GNB4: variants seen among roughly 807,000 people sequenced by gnomAD.
The protein encoded by GNB4 is guanine nucleotide-binding protein subunit beta-4.
GNB4 carries 28 observed loss-of-function variants against 45.2 expected under a neutral mutation model. The observed-to-expected ratio is 0.62, with a 90% CI of 0.46 to 0.85. The LOEUF is 0.85. Among genes scored for constraint, GNB4 ranks in the 40% least tolerant of loss-of-function variants. The pLI is 0.00. For synonymous variants in GNB4, 132 were observed against 143.7 expected, an observed-to-expected ratio of 0.92 and a Z score of 0.58; for missense variants, 321 against 425.4, an observed-to-expected ratio of 0.75 and a Z score of 2.16.
the GNB4 span, among the ~76,000 whole-genome samples, chr3:179,485,042 G>A: frequency 1.6e-5 from 2 of 124,986 alleles, no homozygotes; most frequent in South Asian, 2.3e-4. Context: ...ACGGAGTCTC[G>A]CTGTGTTGCC....
chr3:179,423,183 G>A (rs1473299078), intron 2 of GNB4, among the ~76,000 whole-genome samples: 1 of 152,186 alleles, frequency 6.6e-6, no homozygotes, highest in African/African-American at 2.4e-5. Context: ...GGGAGGAGAT[G>A]ATTTGGTGAG....
chr3:179,516,796 T>C, the GNB4 span, among the ~76,000 whole-genome samples: 1 of 151,772 alleles, frequency 6.6e-6, no homozygotes, highest in Non-Finnish European at 1.5e-5. Flanking sequence ...TAGGTGGGAG[T>C]GACCGATGAG....
the GNB4 span, among the ~76,000 whole-genome samples, chr3:179,495,647 G>A: frequency 7.3e-5 from 11 of 151,476 alleles, no homozygotes; most frequent in Non-Finnish European, 1.5e-4. Context: ...GGCAGGGAGG[G>A]AGGGAAGGAA....
At chr3:179,509,108 C>G in the GNB4 span, among the ~76,000 whole-genome samples, 3 of 151,108 alleles carry the variant, frequency 2.0e-5, no homozygotes, top group African/African-American at 4.9e-5. Flanking sequence ...TCATTTCCCA[C>G]TCAACAAACC....
the GNB4 span, among the ~76,000 whole-genome samples, chr3:179,524,987 C>G: frequency 6.6e-6 from 1 of 151,548 alleles, no homozygotes; most frequent in African/African-American, 2.4e-5. Flanking sequence ...CTCGGCCTGG[C>G]GAGGAACAGC....
chr3:179,516,428 G>T, the GNB4 span, among the ~76,000 whole-genome samples: 1 of 152,128 alleles, frequency 6.6e-6, no homozygotes, highest in South Asian at 2.1e-4. Flanking sequence ...AGACTAAGAG[G>T]TATTTTAGTT....
the GNB4 span, among the ~76,000 whole-genome samples, chr3:179,511,768 C>G: frequency 6.6e-6 from 1 of 151,960 alleles, no homozygotes; most frequent in South Asian, 2.1e-4. Context: ...TAGGATAGGA[C>G]CAAATTCTAT....
At chr3:179,421,057 G>T in intron 2 of GNB4, 130 bp from the exon 3 acceptor site, 1 of 605,304 alleles carries the variant, frequency 1.7e-6, no homozygotes, top group Non-Finnish European at 2.9e-6. Flanking sequence ...TTTTTTAATT[G>T]ATATAAAAAT....
At chr3:179,503,393 A>G in the GNB4 span, among the ~76,000 whole-genome samples, 1 of 152,266 alleles carries the variant, frequency 6.6e-6, no homozygotes, top group Non-Finnish European at 1.5e-5. Flanking sequence ...TGGCGAATAT[A>G]TGAATAGTCA....
chr3:179,486,973 G>A, the GNB4 span, among the ~76,000 whole-genome samples: 1 of 152,196 alleles, frequency 6.6e-6, no homozygotes, highest in South Asian at 2.1e-4. Flanking sequence ...CATAAACCAA[G>A]CTGGAGAAAT....
At chr3:179,476,290 G>A in the GNB4 span, among the ~76,000 whole-genome samples, 2 of 152,240 alleles carry the variant, frequency 1.3e-5, no homozygotes, top group African/African-American at 2.4e-5. Context: ...TCTTAAAGCT[G>A]GAGAATAATT....
rs564225596 is a variant in GNB4 at position 179,438,688 on chromosome 3, T to C, written c.-42-12446A>G. On this transcript the variant is annotated intron_variant, in intron 1 of 9. Transcript: ENST00000232564. The stretch of plus-strand genomic sequence containing the variant: ...TCCTTAAGAAGCATTGGGGCAACTG[T>C]TGGTAAAGGCTGTGTTTTATTTTCT... 9.8e-5 allele frequency among the ~76,000 whole-genome samples: 15 copies of C among 152,312 alleles called. No homozygotes were observed. In the South Asian group the frequency reaches 2.9e-3, roughly 29 times the overall value.
intron 1 of GNB4, among the ~76,000 whole-genome samples, chr3:179,447,904 T>C (rs182208411): frequency 2.6e-5 from 4 of 152,290 alleles, no homozygotes; most frequent in Non-Finnish European, 1.5e-5. Flanking sequence ...TGAGAAACTG[T>C]AGCCAATGAG....
At chr3:179,422,489 AAAAAAGAACAG>A (rs925227677) in intron 2 of GNB4, among the ~76,000 whole-genome samples, 1 of 151,692 alleles carries the variant, frequency 6.6e-6, no homozygotes, top group African/African-American at 2.4e-5. Context: ...AACAAAACAA[AAAAAAGAACAG>A]AATATAAAAA....
At chr3:179,484,598 T>A in the GNB4 span, among the ~76,000 whole-genome samples, 1 of 152,046 alleles carries the variant, frequency 6.6e-6, no homozygotes, top group African/African-American at 2.4e-5. Context: ...GTGCCATTTT[T>A]TTTTTTTGCA....
At chr3:179,509,291 A>G in the GNB4 span, among the ~76,000 whole-genome samples, 16,473 of 151,628 alleles carry the variant, frequency 0.11, 1,438 homozygotes, top group African/African-American at 0.24. Flanking sequence ...GGAGATCTGG[A>G]GAACATTTAA....
chr3:179,459,480 C>T, the GNB4 span, among the ~76,000 whole-genome samples: 10 of 152,106 alleles, frequency 6.6e-5, no homozygotes, highest in East Asian at 1.6e-3. Flanking sequence ...GTCAGGAGTT[C>T]GAGATCAGCC....
At chr3:179,442,452 C>T (rs1337972620) in intron 1 of GNB4, among the ~76,000 whole-genome samples, 1 of 152,102 alleles carries the variant, frequency 6.6e-6, no homozygotes, top group Non-Finnish European at 1.5e-5. Flanking sequence ...TTTTAGTACT[C>T]TAAGATTTTG....
rs1436499300 is a variant in GNB4 at position 179,441,325 on chromosome 3, T to C, written c.-43+10021A>G. 4.6e-5 allele frequency among the ~76,000 whole-genome samples: 7 copies of C among 152,236 alleles called. 1 individual carries two copies. The highest frequency in any genetic ancestry group is 4.6e-4 in the Admixed American group (7 of 15,288). ...CCATACACCTAGGCTCTATAGCATA[T>C]AGCCTATTGCTCCTGGGCTACTAAC... On this transcript the variant is annotated intron_variant, in intron 1 of 9. Coordinates refer to ENST00000232564, the MANE Select transcript of GNB4 (RefSeq NM_021629.4).
Sources: allele counts gnomAD v4.1 joint callset (sites outside exome capture counted in the v4.1 genomes callset), GRCh38; gene constraint gnomAD v4.1.1; transcripts MANE v1.5; gene names NCBI Gene and HGNC (gene_info 2026-07-23, HGNC 2026-07-21).